Variants in KARS1 observed in about 807,000 individuals in gnomAD.
The protein encoded by KARS1 is lysyl-tRNA synthetase 1.
A neutral mutation model predicts 63.9 loss-of-function variants in KARS1; 50 were observed. That is an observed-to-expected ratio of 0.78 (90% CI 0.62 to 0.99). The LOEUF (loss-of-function observed/expected upper bound fraction) is 0.99. KARS1 is among the 50% of genes least tolerant of loss of function. The probability of loss-of-function intolerance (pLI) is 0.00; values close to 1 mark genes in which losing one functional copy is unlikely to be tolerated. For synonymous variants in KARS1, 320 were observed against 264.6 expected (o/e 1.21, Z -2.03); for missense variants, 816 against 754.5 (o/e 1.08, Z -0.95).
At chr16:75,633,528 T>C (rs953808380) in intron 7 of KARS1, among the ~76,000 whole-genome samples, 2 of 151,078 alleles carry the variant, frequency 1.3e-5, no homozygotes, top group African/African-American at 4.9e-5. Flanking sequence ...TTTTTTTTTT[T>C]TTTTTTTGAG....
At chr16:75,630,271 G>A in intron 11 of KARS1, 152 bp downstream of exon 11, 1 of 650,138 alleles carries the variant, frequency 1.5e-6, no homozygotes, top group South Asian at 1.5e-5. Flanking sequence ...TGCCCTGGCA[G>A]AATCCCCAGT....
At chr16:75,647,421 G>T (rs1214451257) in intron 1 of KARS1, 157 bp downstream of exon 1, 2 of 745,510 alleles carry the variant, frequency 2.7e-6, no homozygotes, top group Non-Finnish European at 4.7e-6. Flanking sequence ...CCCGGGGTAC[G>T]TGGTCTGCAG....
chr16:75,641,751 T>C lies in KARS1; in HGVS notation c.63-28A>G, dbSNP rs755773997. Reference sequence around the variant, plus strand: ...GTTGGAAAGATGAAAGCGTTCAATGTGTTAGCTGCCTGAAGAGTCCTCTAT... The same window carrying C: ...GTTGGAAAGATGAAAGCGTTCAATGCGTTAGCTGCCTGAAGAGTCCTCTAT... On this transcript the variant is annotated intron_variant, in intron 1 of 13. Coordinates refer to ENST00000302445, the MANE Select transcript of KARS1 (RefSeq NM_005548.3). The C allele has an allele frequency of 6.2e-6, 10 of 1,612,366 alleles. No individual in the cohort carries two copies. In the African/African-American group the frequency reaches 8.0e-5, roughly 13 times the overall value.
Position 75,630,435 on chromosome 16 carries a change from G to A in KARS1, c.1412C>T (p.Pro471Leu). Reference sequence around the variant, plus strand: ...ACTGGAATCTTACCATTTAGCCAAAGGGCTCATTATCTGTGGGTGATCACA... The same window carrying A: ...ACTGGAATCTTACCATTTAGCCAAAAGGCTCATTATCTGTGGGTGATCACA... The part of the protein sequence containing the change: ...FICDHPQIMS[P>L]LAKWHRSKEG... Residue 471 changes from proline to leucine, a missense_variant, in exon 11 of 14, where the codon CCT becomes CTT. By Grantham distance (98) the Pro-to-Leu change is moderately conservative (BLOSUM62 -3). Transcript: ENST00000302445. The A allele has an allele frequency of 6.2e-7, 1 of 1,601,706 alleles. No individual in the cohort carries two copies. Among genetic ancestry groups the A allele is most frequent in the Non-Finnish European group, 8.5e-7 (1 of 1,169,906 alleles).
At chr16:75,639,507 G>A (rs1030051828) in intron 3 of KARS1, among the ~76,000 whole-genome samples, 1 of 149,536 alleles carries the variant, frequency 6.7e-6, no homozygotes, top group Admixed American at 6.7e-5. Context: ...GGGGGGCAGA[G>A]GTTGCAGTAA....
In KARS1 at chr16:75,631,534, T is replaced by C; in HGVS notation, c.1134A>G (p.Pro378=). The C allele has an allele frequency of 6.2e-7, 1 of 1,613,788 alleles. No individual in the cohort carries two copies. The highest frequency in any genetic ancestry group is 2.2e-5 in the East Asian group (1 of 44,874). The change falls in exon 9 of 14, where the codon CCA becomes CCG. Residue 378 remains proline (P), a synonymous_variant. Coordinates refer to ENST00000302445, the MANE Select transcript of KARS1 (RefSeq NM_005548.3). ...SYKVTYHPDG[P]EGQAYDVDFT... is the part of the protein sequence containing the mutation. The stretch of plus-strand genomic sequence containing the variant: ...AGTCAACATCGTAGGCTTGGCCCTC[T>C]GGGCCATCTGGGTGGTAGGTGACCT...
chr16:75,641,509 A>G, intron 2 of KARS1, 55 bp downstream of exon 2: 1 of 1,517,772 alleles, frequency 6.6e-7, no homozygotes, highest in Non-Finnish European at 9.1e-7. Context: ...ATCTGCCAGA[A>G]GCCTCATCAG....
In KARS1 at chr16:75,635,804, TCCTAAACCAAAAGCAGCAGTTAGAA is replaced by T; in HGVS notation, c.670-24_670del. 6.2e-7 allele frequency: 1 copy of T among 1,614,206 alleles called. No individual in the cohort carries two copies. ...CAAGTATCTCTGGCGATACCTTGTT[TCCTAAACCAAAAGCAGCAGTTAGAA>T]ATCACTGGTATGTCTGATCCAAAGG... On this transcript the variant is annotated splice_acceptor_variant and splice_polypyrimidine_tract_variant and coding_sequence_variant and intron_variant, in exon 6 of 14. Transcript: ENST00000302445. LOFTEE classifies it high-confidence loss of function.
intron 3 of KARS1, among the ~76,000 whole-genome samples, chr16:75,637,375 G>A (rs1420467196): frequency 6.6e-6 from 1 of 152,020 alleles, no homozygotes; most frequent in African/African-American, 2.4e-5. Flanking sequence ...ATGGCCAAAG[G>A]TATCCTCTGG....
chr16:75,640,895 C>T (rs564569863), intron 2 of KARS1, among the ~76,000 whole-genome samples: 1 of 152,168 alleles, frequency 6.6e-6, no homozygotes, highest in African/African-American at 2.4e-5. Flanking sequence ...TGTTCCAATA[C>T]AATTTTACTA....
Position 75,630,630 on chromosome 16 carries a change from A to AT in KARS1, c.1339-123dup, listed in dbSNP as rs757908809. On this transcript the variant is annotated intron_variant, in intron 10 of 13. Coordinates refer to ENST00000302445, the MANE Select transcript of KARS1 (RefSeq NM_005548.3). ...TTATCCTATAGCTTTTTATTTATTTATTATTATTATTATTATTATTATTGA... is the reference window on the plus strand; with the variant it reads ...TTATCCTATAGCTTTTTATTTATTTATTTATTATTATTATTATTATTATTGA... 26 of 179,134 alleles carry AT rather than the reference A, an allele frequency of 1.5e-4. 1 individual carries two copies. Among genetic ancestry groups the AT allele is most frequent in the Middle Eastern group, 3.3e-3 (2 of 604 alleles). The allele number at this position is 179,134 out of a possible 1,614,324, so 11.1% of individuals were successfully genotyped here.
intron 7 of KARS1, among the ~76,000 whole-genome samples, 191 bp from the exon 8 acceptor site, chr16:75,632,046 CCTGG>C (rs2082120915): frequency 6.6e-6 from 1 of 152,144 alleles, no homozygotes; most frequent in Non-Finnish European, 1.5e-5. Flanking sequence ...TGCCACCACG[CCTGG>C]CTAATTTTTT....
intron 2 of KARS1, among the ~76,000 whole-genome samples, chr16:75,641,103 A>G (rs567136084): frequency 1.3e-5 from 2 of 152,164 alleles, no homozygotes; most frequent in East Asian, 3.9e-4. Flanking sequence ...GGGGAGGCGG[A>G]GGTTGCAGTG....
At chr16:75,631,370 C>A in intron 9 of KARS1, 46 bp downstream of exon 9, 2 of 1,603,286 alleles carry the variant, frequency 1.2e-6, no homozygotes, top group Non-Finnish European at 1.7e-6. Context: ...CAGAGCTGAA[C>A]AGGAAGGAGG....
At chr16:75,640,966 C>A (rs2082217942) in intron 2 of KARS1, among the ~76,000 whole-genome samples, 1 of 152,040 alleles carries the variant, frequency 6.6e-6, no homozygotes, top group Non-Finnish European at 1.5e-5. Context: ...ACTCTGGGAG[C>A]CCGAGGCGGG....
chr16:75,629,209 G>A (rs1333506599), intron 12 of KARS1, among the ~76,000 whole-genome samples: 2 of 152,192 alleles, frequency 1.3e-5, no homozygotes, highest in African/African-American at 4.8e-5. Context: ...TTTCCATACG[G>A]AGATTAATAA....
intron 1 of KARS1, among the ~76,000 whole-genome samples, chr16:75,642,060 G>T (rs576398325): frequency 5.3e-4 from 80 of 152,114 alleles, no homozygotes; most frequent in Non-Finnish European, 1.1e-3. Flanking sequence ...TAGGAGAAAA[G>T]GTTTTCTAGA....
chr16:75,637,855 C>T (rs8057723), intron 3 of KARS1, among the ~76,000 whole-genome samples: 54 of 140,888 alleles, frequency 3.8e-4, no homozygotes, highest in African/African-American at 1.4e-3. Flanking sequence ...AGGCTCCCTT[C>T]TAGGACAAGA....
intron 2 of KARS1, 106 bp from the exon 3 acceptor site, chr16:75,640,455 A>G: frequency 9.5e-7 from 1 of 1,051,748 alleles, no homozygotes; most frequent in Non-Finnish European, 1.5e-6. Flanking sequence ...ACCCCAATAC[A>G]TTGTTTTCTT....
Sources: allele counts gnomAD v4.1 joint callset (sites outside exome capture counted in the v4.1 genomes callset), GRCh38; gene constraint gnomAD v4.1.1; transcripts MANE v1.5; gene names NCBI Gene and HGNC (gene_info 2026-07-23, HGNC 2026-07-21).